FGD6: variants seen among roughly 807,000 people sequenced by gnomAD.
FGD6 encodes FYVE, RhoGEF and PH domain-containing protein 6.
In FGD6, 90 loss-of-function variants were observed where a neutral mutation model predicts 149.4. The ratio of observed to expected loss-of-function variants is 0.60; its 90% CI spans 0.51 to 0.72. The LOEUF is 0.72. Ranked by LOEUF, FGD6 falls within the 30% of genes least tolerant of loss-of-function variation. The pLI is 0.00. For synonymous variants in FGD6, 527 were observed against 584.0 expected, an observed-to-expected ratio of 0.90 and a Z score of 1.41; for missense variants, 1,437 against 1,684.8, an observed-to-expected ratio of 0.85 and a Z score of 2.57.
At chr12:95,196,925 C>T (rs540526506) in intron 2 of FGD6, among the ~76,000 whole-genome samples, 1 of 152,254 alleles carries the variant, frequency 6.6e-6, no homozygotes, top group Admixed American at 6.5e-5. Context: ...AGGCATAAGC[C>T]ACCAGAGCCA....
intron 3 of FGD6, among the ~76,000 whole-genome samples, chr12:95,159,074 G>C (rs1254214754): frequency 6.6e-6 from 1 of 152,018 alleles, no homozygotes. Context: ...TTGACTACTG[G>C]AGTCAGCTAA....
intron 8 of FGD6, among the ~76,000 whole-genome samples, chr12:95,130,724 T>A (rs79231484): frequency 0.013 from 1,988 of 147,564 alleles, 37 homozygotes; most frequent in African/African-American, 0.043. Context: ...ACATAAAATT[T>A]AAAAAAAAAA....
chr12:95,203,478 A>C (rs1399313425), intron 2 of FGD6, among the ~76,000 whole-genome samples: 1 of 152,210 alleles, frequency 6.6e-6, no homozygotes, highest in Admixed American at 6.5e-5. Context: ...AATCACGCCC[A>C]TTTAAAAAAG....
intron 3 of FGD6, among the ~76,000 whole-genome samples, chr12:95,168,895 G>C (rs1047971676): frequency 2.0e-5 from 3 of 152,178 alleles, no homozygotes; most frequent in Non-Finnish European, 4.4e-5. Context: ...CAGGCAATCT[G>C]ACTCCAAAGA....
intron 2 of FGD6, 35 bp downstream of exon 2, chr12:95,208,808 G>T: frequency 6.3e-7 from 1 of 1,577,176 alleles, no homozygotes; most frequent in South Asian, 1.2e-5. Context: ...TAATTGCAAT[G>T]ATGCATGCAA....
chr12:95,083,193 G>A (rs1194831106), intron 20 of FGD6, among the ~76,000 whole-genome samples: 1 of 150,722 alleles, frequency 6.6e-6, no homozygotes, highest in African/African-American at 2.4e-5. Flanking sequence ...TAAATAGCAT[G>A]TTATACTGCC....
chr12:95,193,491 G>A (rs369852953), intron 2 of FGD6, among the ~76,000 whole-genome samples: 87 of 151,074 alleles, frequency 5.8e-4, no homozygotes, highest in African/African-American at 2.1e-3. Flanking sequence ...CTGAGTAGCT[G>A]GAATTACAGA....
At chr12:95,119,781 G>T (rs1879132052) in intron 8 of FGD6, among the ~76,000 whole-genome samples, 1 of 152,130 alleles carries the variant, frequency 6.6e-6, no homozygotes, top group African/African-American at 2.4e-5. Context: ...TTAGCTGGGG[G>T]TAGTGGCACA....
intron 8 of FGD6, among the ~76,000 whole-genome samples, chr12:95,124,010 C>T (rs561013538): frequency 7.5e-4 from 114 of 151,776 alleles, no homozygotes; most frequent in African/African-American, 2.7e-3. Context: ...ACCTCCTGGA[C>T]TCAAGCGATA....
At chr12:95,187,554 G>A (rs143190646) in intron 2 of FGD6, among the ~76,000 whole-genome samples, 1 of 151,730 alleles carries the variant, frequency 6.6e-6, no homozygotes, top group Non-Finnish European at 1.5e-5. Context: ...TTGGGAGGCT[G>A]AGGCAGGAGA....
At chr12:95,180,345 G>T (rs889027604) in intron 2 of FGD6, among the ~76,000 whole-genome samples, 6 of 151,456 alleles carry the variant, frequency 4.0e-5, no homozygotes, top group Admixed American at 3.3e-4. Flanking sequence ...TTGCCTCTGG[G>T]ACTAAAGTCC....
intron 14 of FGD6, chr12:95,100,534 C>T (rs564612103): frequency 2.2e-4 from 79 of 359,010 alleles, no homozygotes; most frequent in African/African-American, 1.4e-3. Context: ...CCACAAGGCT[C>T]CCAACTCGGA....
intron 2 of FGD6, among the ~76,000 whole-genome samples, chr12:95,199,402 C>T (rs766343366): frequency 3.3e-5 from 5 of 152,116 alleles, no homozygotes; most frequent in Admixed American, 6.6e-5. Context: ...AAAAAAAAAT[C>T]CTTATTTATT....
At chr12:95,090,475 G>A (rs749657098) in intron 17 of FGD6, among the ~76,000 whole-genome samples, 20 of 152,172 alleles carry the variant, frequency 1.3e-4, no homozygotes, top group Non-Finnish European at 2.4e-4. Flanking sequence ...GAGAGATAAC[G>A]AAGGCCTTAT....
In FGD6 at chr12:95,143,713, T is replaced by C. The variant is rs114254111; in HGVS notation, c.2686-2174A>G. 9.4e-3 allele frequency among the ~76,000 whole-genome samples: 1,429 copies of C among 152,306 alleles called. 21 individuals are homozygous for C. Among genetic ancestry groups the C allele is most frequent in the African/African-American group, 0.032 (1,349 of 41,564 alleles). Reference sequence around the variant, plus strand: ...GAGAAAATAGAGCCACTTAACACTTTTGAAAATCATTAGGCTGTCTGCTAT... The same window carrying C: ...GAGAAAATAGAGCCACTTAACACTTCTGAAAATCATTAGGCTGTCTGCTAT... On this transcript the variant is annotated intron_variant, in intron 5 of 20. Transcript: ENST00000343958.
At chr12:95,133,153 C>A (rs1417609208) in intron 8 of FGD6, among the ~76,000 whole-genome samples, 1 of 152,238 alleles carries the variant, frequency 6.6e-6, no homozygotes, top group African/African-American at 2.4e-5. Flanking sequence ...TGTGGTGGCT[C>A]ACGCCTATAA....
chr12:95,147,182 A>G (rs146650684), intron 5 of FGD6, among the ~76,000 whole-genome samples: 16 of 152,358 alleles, frequency 1.1e-4, no homozygotes, highest in Middle Eastern at 6.8e-3. Context: ...TGGAGGTCAA[A>G]GTGCTATGAT....
chr12:95,094,183 A>G (rs1340166510), intron 15 of FGD6, among the ~76,000 whole-genome samples: 2 of 152,046 alleles, frequency 1.3e-5, no homozygotes, highest in African/African-American at 4.8e-5. Context: ...AAAGAAAAAG[A>G]AAAGAAATAT....
intron 14 of FGD6, 30 bp downstream of exon 14, chr12:95,104,971 GAAAAAA>G: frequency 8.1e-6 from 11 of 1,349,862 alleles, no homozygotes; most frequent in African/African-American, 4.8e-5. Flanking sequence ...CTCAGAATGA[GAAAAAA>G]AAAAAAAAAA....
Sources: gnomAD v4.1 joint callset for allele counts (sites outside exome capture counted in the v4.1 genomes callset) on GRCh38, gnomAD v4.1.1 for gene constraint, MANE v1.5 for transcripts, NCBI Gene and HGNC (gene_info 2026-07-23, HGNC 2026-07-21) for gene names.